The following GRIK2 variants were observed in gnomAD, a reference collection of about 807,000 sequenced individuals.
GRIK2 encodes the protein glutamate ionotropic receptor kainate type subunit 2.
GRIK2 carries 32 observed loss-of-function variants against 100.3 expected under a neutral mutation model. The observed-to-expected ratio is 0.32, with a 90% CI of 0.24 to 0.43. The LOEUF (loss-of-function observed/expected upper bound fraction) is 0.43. Ranked by LOEUF, GRIK2 falls within the 20% of genes least tolerant of loss-of-function variation. The pLI is 1.00. For missense variants in GRIK2, 843 were observed against 1,114.9 expected, an observed-to-expected ratio of 0.76 and a Z score of 3.47; for synonymous variants, 417 against 389.4, an observed-to-expected ratio of 1.07 and a Z score of -0.83.
rs1344820943 is a variant in GRIK2 at position 102,068,437 on chromosome 6, G to C, written c.2653G>C (p.Val885Leu). The change falls in exon 17 of 17, where the codon GTG (valine) becomes CTG (leucine). Residue 885 changes from valine (V) to leucine (L), a missense_variant. By Grantham distance (32) the Val-to-Leu change is conservative. Coordinates refer to ENST00000369134, the MANE Select transcript of GRIK2 (RefSeq NM_021956.5). The part of the protein sequence containing the change: ...LKHKPQAPVI[V>L]KTEEVINMHT... Reference sequence around the variant, plus strand: ...ACATAAGCCACAGGCCCCAGTTATTGTGAAAACAGAAGAAGTTATCAACAT... The same window carrying C: ...ACATAAGCCACAGGCCCCAGTTATTCTGAAAACAGAAGAAGTTATCAACAT... 4 of 1,612,018 alleles carry C rather than the reference G, an allele frequency of 2.5e-6. No homozygotes were observed. In the African/African-American group the frequency reaches 5.3e-5, roughly 22 times the overall value.
At chr6:101,854,035 A>G (rs1784283018) in intron 10 of GRIK2, among the ~76,000 whole-genome samples, 1 of 152,190 alleles carries the variant, frequency 6.6e-6, no homozygotes, top group East Asian at 1.9e-4. Flanking sequence ...GTCAAAACTC[A>G]TAAAATAGAC....
chr6:101,972,589 A>C (rs1793116185), intron 14 of GRIK2, among the ~76,000 whole-genome samples: 1 of 151,312 alleles, frequency 6.6e-6, no homozygotes. Flanking sequence ...ATTTGGTCCT[A>C]CTTTTATTGC....
chr6:101,930,642 T>C (rs1258754047), intron 14 of GRIK2, among the ~76,000 whole-genome samples: 1 of 152,074 alleles, frequency 6.6e-6, no homozygotes, highest in African/African-American at 2.4e-5. Context: ...CAAAGTTCAT[T>C]TTTGAAAAAT....
intron 2 of GRIK2, among the ~76,000 whole-genome samples, chr6:101,455,612 G>T (rs781755887): frequency 1.3e-5 from 2 of 151,798 alleles, no homozygotes; most frequent in African/African-American, 2.4e-5. Flanking sequence ...TGACTATTTC[G>T]GGGAGTCCTT....
At chr6:101,713,852 A>G (rs767433267) in intron 7 of GRIK2, among the ~76,000 whole-genome samples, 9 of 151,800 alleles carry the variant, frequency 5.9e-5, no homozygotes, top group Non-Finnish European at 1.2e-4. Context: ...TTGCCTTATC[A>G]TCTTCTATTC....
At chr6:101,880,650 G>A (rs997758340) in intron 11 of GRIK2, among the ~76,000 whole-genome samples, 1 of 151,830 alleles carries the variant, frequency 6.6e-6, no homozygotes, top group African/African-American at 2.4e-5. Context: ...TCTGAAATTA[G>A]GGATATTTAA....
At position 101,510,065 on chromosome 6, in the gene GRIK2, T is replaced by G. The variant is rs547950263; in HGVS notation, c.115+110673T>G. 4.6e-5 allele frequency among the ~76,000 whole-genome samples: 7 copies of G among 152,252 alleles called. No individual in the cohort carries two copies. The South Asian group carries it at 1.0e-3, about 23-fold the overall frequency. The stretch of plus-strand genomic sequence containing the variant: ...CTGTCATTTAAAGTATACTTCTAAA[T>G]TTTTTTAAATTCCACTTAAAATAAG... On this transcript the variant is annotated intron_variant, in intron 2 of 16. Transcript: ENST00000369134.
At chr6:101,687,420 G>C (rs1337424) in intron 7 of GRIK2, among the ~76,000 whole-genome samples, 95,121 of 151,786 alleles carry the variant, frequency 0.63, 32,073 homozygotes, top group Non-Finnish European at 0.77. Flanking sequence ...AGTCTAAATG[G>C]AGAATTTATA....
Position 101,417,116 on chromosome 6 carries a change from T to C in GRIK2, c.115+17724T>C, listed in dbSNP as rs141786343. Among the ~76,000 whole-genome samples the C allele has an allele frequency of 7.6e-3, 1,156 of 152,282 alleles. 9 individuals are homozygous for C. The highest frequency in any genetic ancestry group is 0.011 in the Non-Finnish European group (768 of 68,016). ...GCGGAAGTTGAAGGAGGAGCAAAGC[T>C]ACTGGCAGCAGGCACGAGAATGTGT... On this transcript the variant is annotated intron_variant, in intron 2 of 16. Transcript: ENST00000369134.
At chr6:101,984,614 A>AACACACACACACACACACACAC (rs10678285) in intron 14 of GRIK2, among the ~76,000 whole-genome samples, 44 of 129,248 alleles carry the variant, frequency 3.4e-4, no homozygotes, top group East Asian at 3.2e-3. Context: ...TACACATTAA[A>AACACACACACACACACACACAC]ACACACACAC....
intron 7 of GRIK2, among the ~76,000 whole-genome samples, chr6:101,770,168 C>T (rs1778308282): frequency 6.6e-6 from 1 of 152,036 alleles, no homozygotes; most frequent in Non-Finnish European, 1.5e-5. Context: ...ATCGTTACTG[C>T]CTTGTTTTTT....
At chr6:101,404,722 G>C (rs1398567454) in intron 2 of GRIK2, among the ~76,000 whole-genome samples, 1 of 152,120 alleles carries the variant, frequency 6.6e-6, no homozygotes, top group Non-Finnish European at 1.5e-5. Flanking sequence ...TTTTCATTTG[G>C]GTAGTGAAGG....
intron 14 of GRIK2, among the ~76,000 whole-genome samples, chr6:101,998,917 G>C (rs1328332493): frequency 1.4e-5 from 2 of 147,996 alleles, no homozygotes; most frequent in African/African-American, 4.9e-5. Context: ...TGGTTGAAGC[G>C]ATTCTCCTGC....
chr6:101,418,630 G>C (rs191283070), intron 2 of GRIK2, among the ~76,000 whole-genome samples: 3 of 152,248 alleles, frequency 2.0e-5, no homozygotes, highest in Non-Finnish European at 4.4e-5. Flanking sequence ...CTTTCTGTGA[G>C]GGTGATAGTT....
intron 15 of GRIK2, among the ~76,000 whole-genome samples, chr6:102,053,312 A>G (rs1389352186): frequency 6.6e-6 from 1 of 152,198 alleles, no homozygotes; most frequent in South Asian, 2.1e-4. Context: ...ATATATCATT[A>G]TCAGAATAAA....
chr6:101,647,712 A>T (rs1008985346), intron 4 of GRIK2, among the ~76,000 whole-genome samples: 22 of 152,068 alleles, frequency 1.4e-4, no homozygotes, highest in Non-Finnish European at 2.8e-4. Flanking sequence ...TTAACTAAAG[A>T]TGAATAGCCT....
chr6:101,825,852 C>A (rs1157895542), intron 10 of GRIK2, among the ~76,000 whole-genome samples: 6 of 152,048 alleles, frequency 3.9e-5, no homozygotes, highest in Non-Finnish European at 2.9e-5. Flanking sequence ...GATGTTATCA[C>A]AATAGGACCA....
intron 2 of GRIK2, among the ~76,000 whole-genome samples, chr6:101,486,796 G>T (rs909581302): frequency 1.5e-5 from 2 of 130,580 alleles, no homozygotes; most frequent in Non-Finnish European, 3.3e-5. Context: ...CAACTGTGAG[G>T]TATTTTGATT....
At chr6:101,667,715 C>A (rs949825202) in intron 4 of GRIK2, among the ~76,000 whole-genome samples, 4 of 151,934 alleles carry the variant, frequency 2.6e-5, no homozygotes, top group African/African-American at 9.7e-5. Flanking sequence ...TGTTACAAAG[C>A]GTGGAAGGGC....
Sources: allele counts gnomAD v4.1 joint callset (sites outside exome capture counted in the v4.1 genomes callset), GRCh38; gene constraint gnomAD v4.1.1; transcripts MANE v1.5; gene names NCBI Gene and HGNC (gene_info 2026-07-23, HGNC 2026-07-21).